The following SCNN1B variants were observed in gnomAD, a reference collection of about 807,000 sequenced individuals.
SCNN1B encodes epithelial sodium channel subunit beta.
Under a neutral mutation model 65.3 loss-of-function variants are expected in SCNN1B, and 46 were observed. That is an observed-to-expected ratio of 0.70 (90% CI 0.56 to 0.90). The LOEUF (loss-of-function observed/expected upper bound fraction) is 0.90. Ranked by LOEUF, SCNN1B falls within the 40% of genes least tolerant of loss-of-function variation. SCNN1B has a pLI of 0.00. For missense variants in SCNN1B, 751 were observed against 830.5 expected (o/e 0.90, Z 1.18); for synonymous variants, 349 against 330.6 (o/e 1.06, Z -0.60).
upstream of SCNN1B, among the ~76,000 whole-genome samples, chr16:23,302,033 G>C (rs1961094511): frequency 6.6e-6 from 1 of 152,112 alleles, no homozygotes; most frequent in African/African-American, 2.4e-5. Context: ...GGGGACGTGG[G>C]GTACACTCGG....
At chr16:23,370,567 G>A (rs1172657843) in intron 5 of SCNN1B, among the ~76,000 whole-genome samples, 1 of 152,192 alleles carries the variant, frequency 6.6e-6, no homozygotes, top group East Asian at 1.9e-4. Flanking sequence ...ACAGTCAAGA[G>A]GGGAAGGAAG....
chr16:23,323,416 T>C (rs35427183), intron 1 of SCNN1B: 56 of 618,120 alleles, frequency 9.1e-5, no homozygotes, highest in South Asian at 8.0e-4. Context: ...TGTGGTTGCA[T>C]GGGTATATGC....
chr16:23,378,642 C>T (rs549135078), intron 10 of SCNN1B, 64 bp from the exon 11 acceptor site: 13 of 1,481,092 alleles, frequency 8.8e-6, no homozygotes, highest in Middle Eastern at 3.5e-4. Flanking sequence ...CCCCAGGGAA[C>T]AGAGCCATGA....
At chr16:23,293,114 CAAA>C (rs1191618996) in intron 2 of SCNN1B, among the ~76,000 whole-genome samples, 28 of 34,170 alleles carry the variant, frequency 8.2e-4, no homozygotes, top group African/African-American at 2.0e-3. Context: ...GACTCATTCT[CAAA>C]AAAAAAAAAA....
intron 3 of SCNN1B, 40 bp downstream of exon 3, chr16:23,353,114 C>G (rs770386371): frequency 4.4e-6 from 7 of 1,607,004 alleles, no homozygotes; most frequent in Non-Finnish European, 6.0e-6. Flanking sequence ...ATGGGCCCCA[C>G]CCAGTGAGGC....
intron 4 of SCNN1B, among the ~76,000 whole-genome samples, chr16:23,361,916 G>A (rs145205865): frequency 6.6e-6 from 1 of 152,076 alleles, no homozygotes; most frequent in East Asian, 1.9e-4. Flanking sequence ...GTCTCCCTAT[G>A]TTGCCCAAGC....
chr16:23,297,581 C>T (rs1444941182), upstream of SCNN1B, among the ~76,000 whole-genome samples: 2 of 152,194 alleles, frequency 1.3e-5, no homozygotes, highest in Non-Finnish European at 2.9e-5. Context: ...TATACAGCCT[C>T]TTCCAAAATA....
At chr16:23,337,312 C>G (rs1961962774) in intron 1 of SCNN1B, among the ~76,000 whole-genome samples, 1 of 152,062 alleles carries the variant, frequency 6.6e-6, no homozygotes, top group Non-Finnish European at 1.5e-5. Context: ...CTTCAGTCTC[C>G]CAAAGCACTG....
intron 3 of SCNN1B, chr16:23,353,354 G>C (rs942008505): frequency 2.6e-5 from 13 of 496,508 alleles, no homozygotes; most frequent in Non-Finnish European, 4.7e-5. Context: ...ATTCAGGCAA[G>C]GCTGGATCCA....
intron 4 of SCNN1B, 23 bp from the exon 5 acceptor site, chr16:23,367,833 G>T: frequency 1.9e-6 from 3 of 1,580,348 alleles, no homozygotes; most frequent in Non-Finnish European, 2.6e-6. Context: ...AACCTGCCCT[G>T]CAGCTGATGC....
intron 10 of SCNN1B, among the ~76,000 whole-genome samples, chr16:23,377,790 C>CGTCT (rs1555490181): frequency 4.1e-5 from 4 of 97,300 alleles, no homozygotes; most frequent in African/African-American, 1.5e-4. Context: ...CCCTCCCTTC[C>CGTCT]TTCTTTCCTT....
At chr16:23,317,374 T>C (rs1567294931) in intron 1 of SCNN1B, among the ~76,000 whole-genome samples, 1 of 152,194 alleles carries the variant, frequency 6.6e-6, no homozygotes, top group Non-Finnish European at 1.5e-5. Flanking sequence ...GCTCAATCTC[T>C]GGATTGCAAG....
chr16:23,335,031 AT>A (rs909291210), intron 1 of SCNN1B, among the ~76,000 whole-genome samples: 1 of 151,994 alleles, frequency 6.6e-6, no homozygotes, highest in African/African-American at 2.4e-5. Flanking sequence ...TCTTTTCAAT[AT>A]TTTTTTTCTC....
chr16:23,306,846 A>G (rs1235411800), intron 1 of SCNN1B, among the ~76,000 whole-genome samples: 1 of 152,210 alleles, frequency 6.6e-6, no homozygotes, highest in African/African-American at 2.4e-5. Context: ...GGAAGATGTA[A>G]CTGGAGATTG....
intron 1 of SCNN1B, among the ~76,000 whole-genome samples, chr16:23,339,785 T>G (rs1370861127): frequency 2.6e-5 from 4 of 152,052 alleles, no homozygotes; most frequent in African/African-American, 9.7e-5. Flanking sequence ...CCACGGAGTC[T>G]CAAACTCCTG....
upstream of SCNN1B, among the ~76,000 whole-genome samples, chr16:23,297,380 G>GA (rs1420528764): frequency 6.6e-6 from 1 of 152,182 alleles, no homozygotes; most frequent in Non-Finnish European, 1.5e-5. Context: ...ATTTTCACCA[G>GA]AATCGGCCAG....
chr16:23,360,035 T>G (rs1418313212), intron 4 of SCNN1B, among the ~76,000 whole-genome samples: 2 of 151,674 alleles, frequency 1.3e-5, no homozygotes, highest in Admixed American at 6.6e-5. Context: ...AAACCCCATC[T>G]CTACTAAAAA....
intron 7 of SCNN1B, among the ~76,000 whole-genome samples, chr16:23,373,600 C>T (rs1962829050): frequency 6.6e-6 from 1 of 152,154 alleles, no homozygotes; most frequent in Admixed American, 6.5e-5. Flanking sequence ...ACTTCCTCTC[C>T]AGCCCAGTCT....
intron 2 of SCNN1B, among the ~76,000 whole-genome samples, chr16:23,295,101 G>A (rs1960977532): frequency 2.0e-5 from 3 of 152,196 alleles, no homozygotes; most frequent in Non-Finnish European, 4.4e-5. Flanking sequence ...TCTTGCTTGT[G>A]TTTTGTCTGT....
Sources: gnomAD v4.1 joint callset for allele counts (sites outside exome capture counted in the v4.1 genomes callset) on GRCh38, gnomAD v4.1.1 for gene constraint, MANE v1.5 for transcripts, NCBI Gene and HGNC (gene_info 2026-07-23, HGNC 2026-07-21) for gene names.